The following FARS2 variants were observed in gnomAD, a reference collection of about 807,000 sequenced individuals.
FARS2 encodes the protein phenylalanyl-tRNA synthetase 2, mitochondrial, also known as phenylalanine--tRNA ligase, mitochondrial.
In FARS2, 40 loss-of-function variants were observed where a neutral mutation model predicts 46.4. That is an observed-to-expected ratio of 0.86 (90% CI 0.67 to 1.12). The LOEUF (loss-of-function observed/expected upper bound fraction) is 1.12, where lower values mean the gene tolerates loss of function less well. FARS2 is among the 50% of genes most tolerant of loss of function. The pLI is 0.00. For synonymous variants in FARS2, 234 were observed against 214.9 expected (o/e 1.09, Z -0.78); for missense variants, 513 against 567.9 (o/e 0.90, Z 0.98).
At chr6:5,670,777 T>C (rs932138141) in intron 6 of FARS2, among the ~76,000 whole-genome samples, 1 of 152,194 alleles carries the variant, frequency 6.6e-6, no homozygotes, top group African/African-American at 2.4e-5. Flanking sequence ...TGCCATGCAG[T>C]GTCATCGCTC....
chr6:5,393,967 T>C (rs981466910), intron 2 of FARS2, among the ~76,000 whole-genome samples: 14 of 152,244 alleles, frequency 9.2e-5, no homozygotes, highest in Non-Finnish European at 1.9e-4. Flanking sequence ...GGAATGGTCA[T>C]GGCCACATTG....
chr6:5,489,329 C>A (rs971542707), intron 4 of FARS2, among the ~76,000 whole-genome samples: 5 of 152,106 alleles, frequency 3.3e-5, no homozygotes, highest in African/African-American at 1.2e-4. Flanking sequence ...TGGTGCACGC[C>A]TGTAGGCCCA....
chr6:5,449,998 T>A (rs1764394194), intron 4 of FARS2, among the ~76,000 whole-genome samples: 1 of 152,226 alleles, frequency 6.6e-6, no homozygotes, highest in Admixed American at 6.5e-5. Flanking sequence ...CCTGTGTGTA[T>A]GAAAAGTTGG....
intron 5 of FARS2, among the ~76,000 whole-genome samples, chr6:5,594,630 A>C (rs984389409): frequency 5.9e-5 from 9 of 152,210 alleles, no homozygotes; most frequent in African/African-American, 1.7e-4. Flanking sequence ...CTGAGGGAAC[A>C]ATCGAAGAGG....
chr6:5,323,891 A>G (rs1337299494), intron 1 of FARS2, among the ~76,000 whole-genome samples: 3 of 152,190 alleles, frequency 2.0e-5, no homozygotes, highest in Non-Finnish European at 2.9e-5. Context: ...TCAACCAGAA[A>G]CGTTCCAAAC....
Position 5,754,340 on chromosome 6 carries a change from T to C in FARS2, c.1218-16951T>C, listed in dbSNP as rs143035738. 4.5e-3 allele frequency among the ~76,000 whole-genome samples: 688 copies of C among 152,312 alleles called. 6 individuals carry two copies. Among genetic ancestry groups the C allele is most frequent in the African/African-American group, 0.016 (661 of 41,564 alleles). On this transcript the variant is annotated intron_variant, in intron 6 of 6. Coordinates refer to ENST00000274680, the MANE Select transcript of FARS2 (RefSeq NM_006567.5). ...GGATCTCTGGGAAGCCTGAGACTGATTGTAACGGCCAGGACAGGAGATCAG... is the reference window on the plus strand; with the variant it reads ...GGATCTCTGGGAAGCCTGAGACTGACTGTAACGGCCAGGACAGGAGATCAG...
intron 6 of FARS2, among the ~76,000 whole-genome samples, chr6:5,631,785 A>G (rs1178132493): frequency 6.6e-6 from 1 of 152,214 alleles, no homozygotes; most frequent in Admixed American, 6.5e-5. Flanking sequence ...CTTAAGTTTC[A>G]TGCTTCTTGC....
chr6:5,337,541 C>T (rs1771247641), intron 1 of FARS2, among the ~76,000 whole-genome samples: 1 of 152,098 alleles, frequency 6.6e-6, no homozygotes, highest in South Asian at 2.1e-4. Context: ...TTCACATAGG[C>T]CCCTTTATGT....
At chr6:5,444,722 C>A (rs1023230489) in intron 4 of FARS2, among the ~76,000 whole-genome samples, 3 of 152,096 alleles carry the variant, frequency 2.0e-5, no homozygotes, top group Non-Finnish European at 4.4e-5. Flanking sequence ...TGGGTGGACC[C>A]CCCACTCCTC....
At chr6:5,695,580 C>A (rs1158310868) in intron 6 of FARS2, among the ~76,000 whole-genome samples, 2 of 152,256 alleles carry the variant, frequency 1.3e-5, no homozygotes. Context: ...CCCAATTTTA[C>A]AGATGAGGAA....
chr6:5,334,914 T>C (rs969422370), intron 1 of FARS2, among the ~76,000 whole-genome samples: 1 of 152,194 alleles, frequency 6.6e-6, no homozygotes, highest in Non-Finnish European at 1.5e-5. Flanking sequence ...CTTGGGGCAG[T>C]GTAGAACAAC....
intron 4 of FARS2, among the ~76,000 whole-genome samples, chr6:5,482,621 G>C (rs1416626872): frequency 6.6e-6 from 1 of 152,150 alleles, no homozygotes; most frequent in Non-Finnish European, 1.5e-5. Context: ...TATCCCCAGG[G>C]AGGTGAGAGT....
chr6:5,317,605 A>C (rs1457878515), intron 1 of FARS2, among the ~76,000 whole-genome samples: 1 of 151,584 alleles, frequency 6.6e-6, no homozygotes, highest in East Asian at 1.9e-4. Flanking sequence ...ACATGGCAAA[A>C]CCCCATCTCT....
At position 5,366,993 on chromosome 6, in the gene FARS2, C is replaced by T. The variant is rs142998478; in HGVS notation, c.-21-1557C>T. On this transcript the variant is annotated intron_variant, in intron 1 of 6. Transcript: ENST00000274680. ...TTTTGAAACAACTCTGACAAAATAA[C>T]GCCATAAGTGAATAAAACCAGAGAG... Among the ~76,000 whole-genome samples, 142 of 152,316 alleles carry T rather than the reference C, an allele frequency of 9.3e-4. 1 individual carries two copies. Among genetic ancestry groups the T allele is most frequent in the Middle Eastern group, 6.8e-3 (2 of 294 alleles).
intron 1 of FARS2, among the ~76,000 whole-genome samples, chr6:5,289,823 T>C (rs749107522): frequency 6.6e-6 from 1 of 152,208 alleles, no homozygotes; most frequent in Non-Finnish European, 1.5e-5. Flanking sequence ...TCTGGTTCTT[T>C]TGTTACTTGG....
At chr6:5,283,574 G>T (rs1015986773) in intron 1 of FARS2, among the ~76,000 whole-genome samples, 8 of 150,918 alleles carry the variant, frequency 5.3e-5, no homozygotes, top group African/African-American at 2.0e-4. Context: ...AAATCAGAAG[G>T]CATAAATACA....
chr6:5,316,120 C>T (rs915551843), intron 1 of FARS2, among the ~76,000 whole-genome samples: 1 of 152,142 alleles, frequency 6.6e-6, no homozygotes, highest in East Asian at 1.9e-4. Flanking sequence ...AAGAAAGGAT[C>T]GTTGTAATCA....
chr6:5,725,255 G>C (rs1760175859), intron 6 of FARS2, among the ~76,000 whole-genome samples: 1 of 152,208 alleles, frequency 6.6e-6, no homozygotes, highest in Admixed American at 6.5e-5. Context: ...TGGGCGCTGG[G>C]GTGTATGGAG....
In FARS2 at chr6:5,406,794, T is replaced by TAA. The variant is rs995756753; in HGVS notation, c.772+2103_772+2104dup. On this transcript the variant is annotated intron_variant, in intron 3 of 6. Coordinates refer to ENST00000274680, the MANE Select transcript of FARS2 (RefSeq NM_006567.5). The stretch of plus-strand genomic sequence containing the variant: ...CATAAACATAGGTATATGTTTAACT[T>TAA]AAAAAAAAAAACTGCTAAGCTATTA... Among the ~76,000 whole-genome samples the TAA allele has an allele frequency of 4.8e-5, 7 of 144,486 alleles. No homozygotes were observed. In the East Asian group the frequency reaches 8.0e-4, roughly 16 times the overall value. The allele number at this position is 144,486 out of a possible 152,430, so 94.8% of individuals were successfully genotyped here.
Sources: allele counts gnomAD v4.1 joint callset (sites outside exome capture counted in the v4.1 genomes callset), GRCh38; gene constraint gnomAD v4.1.1; transcripts MANE v1.5; gene names NCBI Gene and HGNC (gene_info 2026-07-23, HGNC 2026-07-21).